XPC: variants seen among roughly 807,000 people sequenced by gnomAD.
XPC encodes DNA repair protein complementing XP-C cells.
XPC carries 76 observed loss-of-function variants against 95.8 expected under a neutral mutation model. That is an observed-to-expected ratio of 0.79 (90% CI 0.66 to 0.96). The LOEUF (loss-of-function observed/expected upper bound fraction) is 0.96. Ranked by LOEUF, XPC falls within the 40% of genes least tolerant of loss-of-function variation. The pLI is 0.00. For synonymous variants in XPC, 442 were observed against 442.1 expected, an observed-to-expected ratio of 1.00 and a Z score of 0.00; for missense variants, 1,146 against 1,179.8, an observed-to-expected ratio of 0.97 and a Z score of 0.42.
intron 13 of XPC, 88 bp from the exon 14 acceptor site, chr3:14,148,089 A>G: frequency 9.0e-7 from 1 of 1,110,970 alleles, no homozygotes; most frequent in Non-Finnish European, 1.3e-6. Context: ...ACAGTGGGCC[A>G]CATCTGAGCA....
At chr3:14,154,785 G>A (rs1695833717) in intron 10 of XPC, among the ~76,000 whole-genome samples, 1 of 71,268 alleles carries the variant, frequency 1.4e-5, no homozygotes, top group African/African-American at 5.9e-5. Context: ...GGTTGAGATG[G>A]TAAATTTTAT....
chr3:14,170,213 C>A (rs894878218), intron 3 of XPC, among the ~76,000 whole-genome samples: 5 of 152,226 alleles, frequency 3.3e-5, no homozygotes, highest in Non-Finnish European at 5.9e-5. Context: ...TTTATATCTA[C>A]CCCATTGACA....
intron 3 of XPC, 39 bp from the exon 4 acceptor site, chr3:14,168,419 A>G: frequency 2.5e-6 from 4 of 1,610,624 alleles, no homozygotes; most frequent in Non-Finnish European, 3.4e-6. Context: ...AATAGTAATA[A>G]CAATAATAAT....
chr3:14,177,095 AAAAT>A (rs1395462451), intron 1 of XPC, among the ~76,000 whole-genome samples: 25 of 122,332 alleles, frequency 2.0e-4, no homozygotes, highest in African/African-American at 6.9e-4. Flanking sequence ...AAAAAAATAA[AAAAT>A]AAATAAAATA....
intron 13 of XPC, 188 bp downstream of exon 13, chr3:14,148,374 G>C: frequency 3.9e-6 from 3 of 777,382 alleles, no homozygotes; most frequent in Non-Finnish European, 6.0e-6. Context: ...AGTTTCATTG[G>C]CTCCGTTCCC....
chr3:14,153,935 G>T (rs980295404), intron 10 of XPC, among the ~76,000 whole-genome samples: 29 of 152,214 alleles, frequency 1.9e-4, no homozygotes, highest in Non-Finnish European at 2.9e-5. Context: ...ATCTTTGACT[G>T]CCCAGAGGAG....
chr3:14,147,725 T>G (rs565774295), intron 14 of XPC, 183 bp downstream of exon 14: 6 of 617,750 alleles, frequency 9.7e-6, no homozygotes, highest in African/African-American at 3.7e-5. Flanking sequence ...GGGACAGTGA[T>G]AGTCTGCGGG....
intron 14 of XPC, 143 bp downstream of exon 14, chr3:14,147,765 C>G (rs1695499758): frequency 1.4e-6 from 1 of 724,584 alleles, no homozygotes; most frequent in Non-Finnish European, 2.3e-6. Flanking sequence ...ATTCAGTGCT[C>G]GCTCCCTCGG....
At chr3:14,153,542 G>C (rs1015211873) in intron 10 of XPC, 1 of 161,412 alleles carries the variant, frequency 6.2e-6, no homozygotes, top group African/African-American at 2.4e-5. Flanking sequence ...GCTAAGCTAT[G>C]ACCCATGCTA....
intron 7 of XPC, chr3:14,164,405 C>A (rs1696288431): frequency 5.4e-6 from 1 of 184,514 alleles, no homozygotes; most frequent in Non-Finnish European, 1.1e-5. Context: ...GTGTCAACAC[C>A]CAAATGTGAG....
chr3:14,177,544 C>A (rs981876762), intron 1 of XPC, among the ~76,000 whole-genome samples: 2 of 150,826 alleles, frequency 1.3e-5, no homozygotes, highest in Non-Finnish European at 1.5e-5. Flanking sequence ...AGAAAGGAGG[C>A]CAATAAGGAG....
chr3:14,170,600 T>C, intron 2 of XPC, 50 bp from the exon 3 acceptor site: 1 of 1,425,024 alleles, frequency 7.0e-7, no homozygotes, highest in African/African-American at 1.4e-5. Flanking sequence ...GACATCCTAG[T>C]GTTCCATTCA....
intron 9 of XPC, among the ~76,000 whole-genome samples, chr3:14,157,625 C>A (rs3731132): frequency 2.6e-5 from 4 of 152,230 alleles, no homozygotes; most frequent in Admixed American, 6.5e-5. Context: ...GGTGTTTGCA[C>A]GTACATCTTT....
chr3:14,173,755 T>C (rs1485704160), intron 1 of XPC, among the ~76,000 whole-genome samples: 1 of 152,170 alleles, frequency 6.6e-6, no homozygotes, highest in Non-Finnish European at 1.5e-5. Flanking sequence ...CATATAATAA[T>C]TATATTAATA....
chr3:14,161,120 A>G (rs538807951), intron 7 of XPC, among the ~76,000 whole-genome samples: 1 of 152,238 alleles, frequency 6.6e-6, no homozygotes, highest in Non-Finnish European at 1.5e-5. Flanking sequence ...AAACATACAT[A>G]TATGACCAAA....
Position 14,145,241 on chromosome 3 carries a change from A to C in XPC, c.*700T>G. On this transcript the variant is annotated 3_prime_UTR_variant, in exon 16 of 16. Transcript: ENST00000285021. ...ATACATTTTATCTAGTAATGAATAC[A>C]ATCTAGTTTAACACTCATCTATTTT... The C allele has an allele frequency of 1.5e-6, 1 of 657,472 alleles. No individual in the cohort carries two copies. Among genetic ancestry groups the C allele is most frequent in the South Asian group, 1.7e-5 (1 of 59,936 alleles). 40.7% of individuals were successfully genotyped at this position (657,472 alleles called of 1,614,324 possible). A position where few individuals can be genotyped will look rare whatever the true frequency, so the allele number is the denominator to read the frequency against.
intron 5 of XPC, chr3:14,165,994 C>T (rs1002142816): frequency 3.7e-5 from 7 of 187,466 alleles, no homozygotes; most frequent in Non-Finnish European, 5.7e-5. Flanking sequence ...CTGTGGAAGC[C>T]GGCGGGATGC....
rs1559369242 is a variant in XPC at position 14,148,852 on chromosome 3, T to C, written c.2212A>G (p.Thr738Ala). The C allele has an allele frequency of 1.2e-6, 2 of 1,613,926 alleles. No individual in the cohort carries two copies. The highest frequency in any genetic ancestry group is 1.7e-6 in the Non-Finnish European group (2 of 1,179,916). The change falls in exon 12 of 16, where the codon ACA becomes GCA. Residue 738 changes from threonine to alanine, a missense_variant. Physicochemically the swap from Thr to Ala is moderately conservative, Grantham distance 58. Transcript: ENST00000285021. Reference sequence around the variant, plus strand: ...GCCACTGGGGGCTGATACTCCTCTGTCTGCCAGTAGCCAAACAGGCCCAGG... The same window carrying C: ...GCCACTGGGGGCTGATACTCCTCTGCCTGCCAGTAGCCAAACAGGCCCAGG... ...NDLGLFGYWQ[T>A]EEYQPPVAVD...
chr3:14,174,410 C>A (rs1362097928), intron 1 of XPC, among the ~76,000 whole-genome samples: 2 of 152,134 alleles, frequency 1.3e-5, no homozygotes, highest in African/African-American at 4.8e-5. Context: ...GGCAAAGATG[C>A]TAAACACTTC....
Sources: allele counts gnomAD v4.1 joint callset (sites outside exome capture counted in the v4.1 genomes callset), GRCh38; gene constraint gnomAD v4.1.1; transcripts MANE v1.5; gene names NCBI Gene and HGNC (gene_info 2026-07-23, HGNC 2026-07-21).